FGF10: variants seen among roughly 807,000 people sequenced by gnomAD.
The protein encoded by FGF10 is fibroblast growth factor 10.
A neutral mutation model predicts 19.8 loss-of-function variants in FGF10; 2 were observed. That is an observed-to-expected ratio of 0.10 (90% CI 0.04 to 0.32). FGF10 has a LOEUF of 0.32. FGF10 is among the 10% of genes least tolerant of loss of function. FGF10 has a pLI of 1.00. For missense variants in FGF10, 191 were observed against 246.3 expected, an observed-to-expected ratio of 0.78 and a Z score of 1.50; for synonymous variants, 112 against 94.0, an observed-to-expected ratio of 1.19 and a Z score of -1.10.
chr5:44,327,266 A>T (rs1740636406), intron 1 of FGF10, among the ~76,000 whole-genome samples: 1 of 152,212 alleles, frequency 6.6e-6, no homozygotes. Context: ...CATCTACGAA[A>T]CATAAGAAGG....
chr5:44,306,234 A>C (rs1462843391), intron 2 of FGF10, among the ~76,000 whole-genome samples: 1 of 152,088 alleles, frequency 6.6e-6, no homozygotes, highest in Non-Finnish European at 1.5e-5. Flanking sequence ...CGTCTATACT[A>C]AAAATAGAAA....
At chr5:44,367,722 C>A (rs937054544) in intron 1 of FGF10, among the ~76,000 whole-genome samples, 2 of 152,056 alleles carry the variant, frequency 1.3e-5, no homozygotes, top group South Asian at 4.1e-4. Flanking sequence ...TTATTATTTT[C>A]TCCTATTCTA....
At chr5:44,373,274 A>G (rs1741782970) in intron 1 of FGF10, among the ~76,000 whole-genome samples, 1 of 152,156 alleles carries the variant, frequency 6.6e-6, no homozygotes, top group African/African-American at 2.4e-5. Flanking sequence ...CTTCAGCACT[A>G]TCATAAGGTT....
intron 1 of FGF10, among the ~76,000 whole-genome samples, chr5:44,353,954 T>G (rs868237461): frequency 6.6e-6 from 1 of 151,550 alleles, no homozygotes; most frequent in Non-Finnish European, 1.5e-5. Flanking sequence ...TGAGGATTTT[T>G]TCCTCTATTT....
At chr5:44,318,302 C>T (rs935970023) in intron 1 of FGF10, among the ~76,000 whole-genome samples, 3 of 152,056 alleles carry the variant, frequency 2.0e-5, no homozygotes, top group Non-Finnish European at 2.9e-5. Flanking sequence ...TAATTCTTCC[C>T]GATAGGTAAA....
At chr5:44,349,694 A>C (rs1741191968) in intron 1 of FGF10, among the ~76,000 whole-genome samples, 1 of 150,288 alleles carries the variant, frequency 6.7e-6, no homozygotes, top group Non-Finnish European at 1.5e-5. Context: ...AAACTAAAAA[A>C]ACTCTTTGGG....
At chr5:44,371,296 T>C (rs2929850) in intron 1 of FGF10, among the ~76,000 whole-genome samples, 140,584 of 152,096 alleles carry the variant, frequency 0.92, 65,692 homozygotes, top group Non-Finnish European at 1. Context: ...AAGTCCACAG[T>C]AGCAAGAATA....
At chr5:44,325,956 C>CAT (rs1185473754) in intron 1 of FGF10, among the ~76,000 whole-genome samples, 1 of 152,100 alleles carries the variant, frequency 6.6e-6, no homozygotes, top group East Asian at 1.9e-4. Flanking sequence ...CATCATACAG[C>CAT]ATATATTTCA....
At chr5:44,318,847 T>C (rs1740416433) in intron 1 of FGF10, among the ~76,000 whole-genome samples, 1 of 152,178 alleles carries the variant, frequency 6.6e-6, no homozygotes, top group African/African-American at 2.4e-5. Context: ...AAACCTCTGA[T>C]CAATCTAATT....
In FGF10 at chr5:44,302,666, G is replaced by GT. The variant is rs2111657456; in HGVS notation, c.*2328dup. Among the ~76,000 whole-genome samples, 1 of 152,246 alleles carries GT rather than the reference G, an allele frequency of 6.6e-6. No individual in the cohort carries two copies. Among genetic ancestry groups the GT allele is most frequent in the African/African-American group, 2.4e-5 (1 of 41,566 alleles). ...AGGTGTGAGCTACTGCACCAGGCAGGTTTTTTGTCTTTCTGTGAGGGAAAT... is the reference window on the plus strand; with the variant it reads ...AGGTGTGAGCTACTGCACCAGGCAGGTTTTTTTGTCTTTCTGTGAGGGAAAT... On this transcript the variant is annotated 3_prime_UTR_variant, in exon 3 of 3. Transcript: ENST00000264664.
chr5:44,322,350 T>C (rs1740513408), intron 1 of FGF10, among the ~76,000 whole-genome samples: 1 of 152,158 alleles, frequency 6.6e-6, no homozygotes, highest in Non-Finnish European at 1.5e-5. Context: ...TGAGTGAACA[T>C]TGGGATTTCT....
At chr5:44,381,106 T>C (rs1741973829) in intron 1 of FGF10, among the ~76,000 whole-genome samples, 1 of 152,030 alleles carries the variant, frequency 6.6e-6, no homozygotes, top group Non-Finnish European at 1.5e-5. Context: ...AAAATTTAAC[T>C]TGGAGGAAAA....
chr5:44,373,172 G>A (rs1421336715), intron 1 of FGF10, among the ~76,000 whole-genome samples: 1 of 152,032 alleles, frequency 6.6e-6, no homozygotes, highest in African/African-American at 2.4e-5. Flanking sequence ...GCCATGAGAG[G>A]GTTCTCTACA....
intron 1 of FGF10, among the ~76,000 whole-genome samples, chr5:44,362,511 C>CTA (rs1437347157): frequency 1.3e-5 from 2 of 151,646 alleles, no homozygotes; most frequent in Non-Finnish European, 3.0e-5. Flanking sequence ...AAGCAACTTA[C>CTA]TATATTTCCT....
intron 1 of FGF10, among the ~76,000 whole-genome samples, chr5:44,370,187 C>A (rs543053081): frequency 6.6e-6 from 1 of 152,234 alleles, no homozygotes; most frequent in East Asian, 1.9e-4. Flanking sequence ...TGGCTTTCCT[C>A]TCCTTCTCCA....
At position 44,361,312 on chromosome 5, in the gene FGF10, G is replaced by A. The variant is rs974653131; in HGVS notation, c.325+27046C>T. Among the ~76,000 whole-genome samples the A allele has an allele frequency of 2.0e-5, 3 of 151,666 alleles. No homozygotes were observed. In the East Asian group the frequency reaches 5.8e-4, roughly 30 times the overall value. Reference sequence around the variant, plus strand: ...TTTAAGCTGGAGAAATAACAGCTGAGATTTTTCAGGCACTCATGAGAGCTT... The same window carrying A: ...TTTAAGCTGGAGAAATAACAGCTGAAATTTTTCAGGCACTCATGAGAGCTT... On this transcript the variant is annotated intron_variant, in intron 1 of 2. Transcript: ENST00000264664.
rs1235657778 is a variant in FGF10 at position 44,301,430 on chromosome 5, C to G, written c.*3565G>C. On this transcript the variant is annotated 3_prime_UTR_variant, in exon 3 of 3. Coordinates refer to ENST00000264664, the MANE Select transcript of FGF10 (RefSeq NM_004465.2). ...TATGTAAATTGGGTTCATAAACTTG[C>G]TTGGGCCCTGGAAGCAACTTGCATT... Among the ~76,000 whole-genome samples, 6 of 152,068 alleles carry G rather than the reference C, an allele frequency of 3.9e-5. No homozygotes were observed. The highest frequency in any genetic ancestry group is 7.4e-5 in the Non-Finnish European group (5 of 68,004).
chr5:44,316,363 G>T (rs551448079), intron 1 of FGF10, among the ~76,000 whole-genome samples: 14 of 152,290 alleles, frequency 9.2e-5, no homozygotes, highest in African/African-American at 3.1e-4. Flanking sequence ...TTTACTGTGT[G>T]CTCAATCAGA....
intron 1 of FGF10, among the ~76,000 whole-genome samples, chr5:44,372,163 C>T (rs1741755610): frequency 6.6e-6 from 1 of 152,114 alleles, no homozygotes; most frequent in Admixed American, 6.5e-5. Flanking sequence ...GGCTGTATTC[C>T]ATCTAGAAGC....
Sources: allele counts gnomAD v4.1 joint callset (sites outside exome capture counted in the v4.1 genomes callset), GRCh38; gene constraint gnomAD v4.1.1; transcripts MANE v1.5; gene names NCBI Gene and HGNC (gene_info 2026-07-23, HGNC 2026-07-21).